DTD1: variants seen among roughly 807,000 people sequenced by gnomAD.
DTD1 encodes D-tyrosyl-tRNA deacylase 1 homolog.
Under a neutral mutation model 25.6 loss-of-function variants are expected in DTD1, and 13 were observed. The observed-to-expected ratio is 0.51, with a 90% CI of 0.33 to 0.81. The LOEUF is 0.81. Among genes scored for constraint, DTD1 ranks in the 30% least tolerant of loss-of-function variants. DTD1 has a pLI of 0.02. For synonymous variants in DTD1, 110 were observed against 103.6 expected, an observed-to-expected ratio of 1.06 and a Z score of -0.37; for missense variants, 193 against 266.4, an observed-to-expected ratio of 0.72 and a Z score of 1.92.
chr20:18,697,104 T>C (rs1460232206), intron 4 of DTD1, among the ~76,000 whole-genome samples: 1 of 151,584 alleles, frequency 6.6e-6, no homozygotes, highest in Non-Finnish European at 1.5e-5. Flanking sequence ...TGGTGGTGGG[T>C]GCCTGTAGTC....
At chr20:18,671,130 A>G (rs984041321) in intron 4 of DTD1, among the ~76,000 whole-genome samples, 2 of 152,178 alleles carry the variant, frequency 1.3e-5, no homozygotes, top group Admixed American at 6.5e-5. Context: ...AGGCAGGTGG[A>G]TGGAGAAAGG....
At chr20:18,615,651 A>G (rs2122286195) in intron 3 of DTD1, among the ~76,000 whole-genome samples, 1 of 152,350 alleles carries the variant, frequency 6.6e-6, no homozygotes, top group Admixed American at 6.5e-5. Flanking sequence ...GGCATTTGTA[A>G]TGGGCTCAGG....
chr20:18,677,141 C>G (rs2060979443), intron 4 of DTD1, among the ~76,000 whole-genome samples: 1 of 152,060 alleles, frequency 6.6e-6, no homozygotes, highest in South Asian at 2.1e-4. Flanking sequence ...CTTTTGTTTC[C>G]TCTGCTTGAA....
At chr20:18,616,895 T>C (rs1478570785) in intron 3 of DTD1, among the ~76,000 whole-genome samples, 2 of 152,210 alleles carry the variant, frequency 1.3e-5, no homozygotes, top group East Asian at 3.8e-4. Context: ...GCACAGTGGG[T>C]GCTTTGTGAT....
At chr20:18,744,655 A>AAAAT (rs10632823) in intron 5 of DTD1, among the ~76,000 whole-genome samples, 2 of 119,916 alleles carry the variant, frequency 1.7e-5, no homozygotes, top group African/African-American at 6.1e-5. Context: ...AAAACAAAAA[A>AAAAT]CAAGTGAAAG....
At chr20:18,745,649 T>TG (rs1386974703) in intron 5 of DTD1, among the ~76,000 whole-genome samples, 6 of 151,922 alleles carry the variant, frequency 3.9e-5, no homozygotes, top group African/African-American at 1.2e-4. Flanking sequence ...ATCTGGAGGT[T>TG]GGGGGGCAAG....
chr20:18,593,743 A>C lies in DTD1; in HGVS notation c.56A>C (p.Gln19Pro), dbSNP rs907384808. ...TRASVTVGGE[Q>P]ISAIGRGICV... ...GGTTCCTTTCTAGTTGGAGGAGAGCAGATTAGTGCCATTGGAAGGGGCATA... is the reference window on the plus strand; with the variant it reads ...GGTTCCTTTCTAGTTGGAGGAGAGCCGATTAGTGCCATTGGAAGGGGCATA... Residue 19 changes from glutamine (Q) to proline (P), a missense_variant, in exon 2 of 6, where the codon CAG becomes CCG. Gln to Pro is a moderately conservative substitution (Grantham distance 76). Coordinates refer to ENST00000377452, the MANE Select transcript of DTD1 (RefSeq NM_080820.6). The C allele has an allele frequency of 1.5e-5, 24 of 1,613,858 alleles. No individual in the cohort carries two copies. The highest frequency in any genetic ancestry group is 2.7e-5 in the African/African-American group (2 of 74,928).
chr20:18,669,604 A>C (rs1206724950), intron 4 of DTD1, among the ~76,000 whole-genome samples: 1 of 152,090 alleles, frequency 6.6e-6, no homozygotes, highest in Admixed American at 6.5e-5. Context: ...CTGTCGACTG[A>C]GCGCTTGCTC....
chr20:18,759,164 C>T (rs904261961), intron 5 of DTD1, among the ~76,000 whole-genome samples: 1 of 152,172 alleles, frequency 6.6e-6, no homozygotes, highest in African/African-American at 2.4e-5. Context: ...GAATACAGCA[C>T]ACTGATGGGT....
chr20:18,657,717 A>G (rs765447320), intron 4 of DTD1, among the ~76,000 whole-genome samples: 2 of 152,242 alleles, frequency 1.3e-5, no homozygotes, highest in Non-Finnish European at 2.9e-5. Context: ...GCTTAAAACA[A>G]TAACATATAG....
chr20:18,708,194 ATTAT>A (rs2061134998), intron 4 of DTD1, among the ~76,000 whole-genome samples: 1 of 58,606 alleles, frequency 1.7e-5, no homozygotes, highest in African/African-American at 6.9e-5. Flanking sequence ...TTATATATAT[ATTAT>A]ATATATATTT....
intron 3 of DTD1, among the ~76,000 whole-genome samples, chr20:18,617,092 T>G (rs946515639): frequency 6.6e-6 from 1 of 152,164 alleles, no homozygotes; most frequent in Non-Finnish European, 1.5e-5. Flanking sequence ...CAGGATCAGC[T>G]CTTTCTCCTT....
chr20:18,647,101 A>G (rs2060853223), intron 4 of DTD1, among the ~76,000 whole-genome samples: 1 of 152,240 alleles, frequency 6.6e-6, no homozygotes, highest in South Asian at 2.1e-4. Flanking sequence ...CAGAAATAAC[A>G]AATGCAAATA....
At chr20:18,728,851 C>A (rs2061231188) in intron 4 of DTD1, among the ~76,000 whole-genome samples, 1 of 152,144 alleles carries the variant, frequency 6.6e-6, no homozygotes, top group Non-Finnish European at 1.5e-5. Flanking sequence ...TGGCTCTGAG[C>A]ATTGCATCCA....
chr20:18,629,296 C>CTTTTTTTTTTT lies in DTD1; in HGVS notation c.477+1075_477+1085dup, dbSNP rs35174616. Among the ~76,000 whole-genome samples, 6 of 69,222 alleles carry CTTTTTTTTTTT rather than the reference C, an allele frequency of 8.7e-5. 1 individual carries two copies. The highest frequency in any genetic ancestry group is 7.8e-5 in the Non-Finnish European group (3 of 38,448). 45.4% of individuals were successfully genotyped at this position (69,222 alleles called of 152,430 possible). On this transcript the variant is annotated intron_variant, in intron 4 of 5. Transcript: ENST00000377452. ...CAGGTGTAATCCCACTGTGCTCGGC[C>CTTTTTTTTTTT]TTTTTTTTTTTTTTTTTTTTTTGAG...
intron 4 of DTD1, among the ~76,000 whole-genome samples, chr20:18,636,474 T>G (rs1241015439): frequency 6.6e-6 from 1 of 152,232 alleles, no homozygotes; most frequent in Non-Finnish European, 1.5e-5. Context: ...TTCTAAAAAA[T>G]GCAGCACTTG....
At chr20:18,676,575 G>C (rs6136463) in intron 4 of DTD1, among the ~76,000 whole-genome samples, 54,984 of 151,916 alleles carry the variant, frequency 0.36, 10,271 homozygotes, top group Non-Finnish European at 0.41. Flanking sequence ...GAAAATTGAC[G>C]GTTGTATGTT....
intron 3 of DTD1, among the ~76,000 whole-genome samples, chr20:18,623,182 G>T (rs6081252): frequency 0.32 from 47,930 of 151,656 alleles, 8,267 homozygotes; most frequent in South Asian, 0.42. Flanking sequence ...CTCGTGATCC[G>T]CCCGCCTCAG....
chr20:18,614,011 G>A (rs947023274), intron 3 of DTD1, among the ~76,000 whole-genome samples: 1 of 152,130 alleles, frequency 6.6e-6, no homozygotes, highest in Non-Finnish European at 1.5e-5. Flanking sequence ...TCGCCATGTT[G>A]CCCAGGCTGG....
Sources: gnomAD v4.1 joint callset for allele counts (sites outside exome capture counted in the v4.1 genomes callset) on GRCh38, gnomAD v4.1.1 for gene constraint, MANE v1.5 for transcripts, NCBI Gene and HGNC (gene_info 2026-07-23, HGNC 2026-07-21) for gene names.